The following LYRM4 variants were observed in gnomAD, a reference collection of about 807,000 sequenced individuals.
LYRM4 encodes LYR motif containing 4, also known as LYR motif-containing protein 4.
Under a neutral mutation model 11.7 loss-of-function variants are expected in LYRM4, and 9 were observed. The observed-to-expected ratio is 0.77, with a 90% CI of 0.46 to 1.34. LYRM4 has a LOEUF of 1.34. LYRM4 is among the 40% of genes most tolerant of loss of function. The pLI, the probability that LYRM4 is intolerant of heterozygous loss-of-function variation, is 0.00. For synonymous variants in LYRM4, 42 were observed against 40.4 expected (o/e 1.04, Z -0.15); for missense variants, 133 against 112.5 (o/e 1.18, Z -0.82).
the LYRM4 span, among the ~76,000 whole-genome samples, chr6:5,038,224 C>T: frequency 1.2e-3 from 75 of 60,690 alleles, 18 homozygotes; most frequent in African/African-American, 3.0e-3. Flanking sequence ...CGGGCAGAGA[C>T]GCTCCTCACT....
intron 2 of LYRM4, among the ~76,000 whole-genome samples, chr6:5,168,109 T>C (rs1215540395): frequency 7.4e-6 from 1 of 134,536 alleles, no homozygotes; most frequent in South Asian, 2.4e-4. Context: ...TCATGATACT[T>C]AAAAAAAAAA....
At chr6:5,136,895 G>A in intron 2 of LYRM4, 11 of 918,206 alleles carry the variant, frequency 1.2e-5, no homozygotes, top group Non-Finnish European at 1.4e-5. Flanking sequence ...CAATTCAATG[G>A]TTTTTAGTAT....
intron 2 of LYRM4, among the ~76,000 whole-genome samples, chr6:5,148,696 C>T (rs931096349): frequency 1.3e-5 from 2 of 151,982 alleles, no homozygotes; most frequent in African/African-American, 4.8e-5. Flanking sequence ...CTTATAGTGA[C>T]TGAGAAATCA....
rs1326628633 is a variant in LYRM4, at chr6:5,135,461, G to C, written c.208-25970C>G. ...GAGGGTGCGGTTCACTCCCGGGACT[G>C]TGGAGGGTGCGGATCGCTCCTGGGG... is the stretch of plus-strand genomic sequence containing the variant. On this transcript the variant is annotated intron_variant, in intron 2 of 2. Transcript: ENST00000330636. 2.2e-4 allele frequency among the ~76,000 whole-genome samples: 21 copies of C among 94,190 alleles called. 2 individuals carry two copies. The highest frequency in any genetic ancestry group is 3.8e-4 in the Admixed American group (4 of 10,496). 61.8% of individuals were successfully genotyped at this position (94,190 alleles called of 152,430 possible). A position where few individuals can be genotyped will look rare whatever the true frequency, so the allele number is the denominator to read the frequency against.
At chr6:5,181,444 A>G (rs529257874) in intron 2 of LYRM4, among the ~76,000 whole-genome samples, 1 of 152,334 alleles carries the variant, frequency 6.6e-6, no homozygotes, top group East Asian at 1.9e-4. Flanking sequence ...CACACAATAC[A>G]ATCTTTACAT....
chr6:5,190,685 A>G (rs572563946), intron 2 of LYRM4, among the ~76,000 whole-genome samples: 1 of 152,252 alleles, frequency 6.6e-6, no homozygotes, highest in African/African-American at 2.4e-5. Context: ...TGCCGTTGTT[A>G]ACACCATTGT....
At chr6:5,235,923 T>A (rs1047129310) in intron 1 of LYRM4, among the ~76,000 whole-genome samples, 1 of 152,216 alleles carries the variant, frequency 6.6e-6, no homozygotes, top group African/African-American at 2.4e-5. Context: ...GTATATATAA[T>A]ATACTGGCCT....
chr6:5,101,610 C>G (rs1039325868), downstream of LYRM4, among the ~76,000 whole-genome samples: 1 of 152,136 alleles, frequency 6.6e-6, no homozygotes, highest in Non-Finnish European at 1.5e-5. Flanking sequence ...CTGGGGGCTG[C>G]ATATAGTTGA....
chr6:5,058,436 G>A, the LYRM4 span, among the ~76,000 whole-genome samples: 4 of 152,146 alleles, frequency 2.6e-5, no homozygotes, highest in South Asian at 6.2e-4. Flanking sequence ...ACCAGCCATC[G>A]TTCTCCAAAC....
At chr6:5,101,325 G>A (rs548100107), downstream of LYRM4, among the ~76,000 whole-genome samples, 1 of 152,288 alleles carries the variant, frequency 6.6e-6, no homozygotes, top group Non-Finnish European at 1.5e-5. Flanking sequence ...TCCATGTTTG[G>A]TCCATTTCTT....
At chr6:5,199,492 T>A (rs1213558308) in intron 2 of LYRM4, among the ~76,000 whole-genome samples, 1 of 152,204 alleles carries the variant, frequency 6.6e-6, no homozygotes, top group Non-Finnish European at 1.5e-5. Context: ...CACTGACTTG[T>A]ATACTTCAAA....
chr6:5,154,272 GCAGTAGAATGAAA>G, intron 2 of LYRM4, among the ~76,000 whole-genome samples: 1 of 152,164 alleles, frequency 6.6e-6, no homozygotes, highest in East Asian at 1.9e-4. Flanking sequence ...AAAATGTAAT[GCAGTAGAATGAAA>G]CAGTAGAAGG....
chr6:5,103,425 G>A (rs767074464), downstream of LYRM4: 1 of 152,098 alleles, frequency 6.6e-6, no homozygotes, highest in Non-Finnish European at 1.5e-5. Flanking sequence ...GAATCACCCT[G>A]GGCTACTGAC....
chr6:5,089,197 A>G, the LYRM4 span: 1 of 152,240 alleles, frequency 6.6e-6, no homozygotes, highest in East Asian at 1.9e-4. Flanking sequence ...TTGACGAAAA[A>G]TAAATGATAA....
chr6:5,073,685 C>A, the LYRM4 span, among the ~76,000 whole-genome samples: 2 of 151,422 alleles, frequency 1.3e-5, no homozygotes, highest in African/African-American at 2.4e-5. Context: ...CCATGATCAC[C>A]ATAAAATAAA....
chr6:5,076,151 G>T, the LYRM4 span, among the ~76,000 whole-genome samples: 39 of 152,166 alleles, frequency 2.6e-4, no homozygotes, highest in East Asian at 3.9e-3. Flanking sequence ...TCACCATGTT[G>T]CCCAGGCTGG....
chr6:5,206,536 G>A (rs1363323376), intron 2 of LYRM4, among the ~76,000 whole-genome samples: 1 of 152,160 alleles, frequency 6.6e-6, no homozygotes, highest in Non-Finnish European at 1.5e-5. Context: ...GTGCTATAAG[G>A]GATCTTGGAA....
chr6:5,064,119 G>A, the LYRM4 span, among the ~76,000 whole-genome samples: 1 of 152,048 alleles, frequency 6.6e-6, no homozygotes, highest in Non-Finnish European at 1.5e-5. Context: ...AACAATACAC[G>A]CTTGAAAGGG....
chr6:5,167,764 C>T (rs1039795709), intron 2 of LYRM4, among the ~76,000 whole-genome samples: 2 of 152,096 alleles, frequency 1.3e-5, no homozygotes, highest in African/African-American at 4.8e-5. Flanking sequence ...GGCTCTGATC[C>T]AGAGATCCAT....
Sources: allele counts gnomAD v4.1 joint callset (sites outside exome capture counted in the v4.1 genomes callset), GRCh38; gene constraint gnomAD v4.1.1; transcripts MANE v1.5; gene names NCBI Gene and HGNC (gene_info 2026-07-23, HGNC 2026-07-21).